CCR7: variants seen among roughly 807,000 people sequenced by gnomAD.
CCR7 encodes C-C chemokine receptor type 7.
Under a neutral mutation model 26.0 loss-of-function variants are expected in CCR7, and 11 were observed. That is an observed-to-expected ratio of 0.42 (90% CI 0.27 to 0.70). CCR7 has a LOEUF of 0.70. Ranked by LOEUF, CCR7 falls within the 30% of genes least tolerant of loss-of-function variation. CCR7 has a pLI of 0.23. For missense variants in CCR7, 360 were observed against 504.0 expected (o/e 0.71, Z 2.74); for synonymous variants, 189 against 202.1 (o/e 0.94, Z 0.55).
chr17:40,560,410 AG>A (rs1378405224), intron 1 of CCR7, among the ~76,000 whole-genome samples: 3 of 152,182 alleles, frequency 2.0e-5, no homozygotes, highest in Non-Finnish European at 4.4e-5. Context: ...CTGGGGAAGC[AG>A]TGAGAGCCCA....
chr17:40,554,964 G>C lies in CCR7; in HGVS notation c.915C>G (p.Asn305Lys). Residue 305 changes from asparagine (N) to lysine (K), a missense_variant, in exon 3 of 3, where the codon AAC becomes AAG. Coordinates refer to ENST00000246657, the MANE Select transcript of CCR7 (RefSeq NM_001838.4). ...GGCTGTAGGTGACGTCGTAGGCGATGTTGAGTTGCTTACTGAGCTCACAGG... is the reference window on the plus strand; with the variant it reads ...GGCTGTAGGTGACGTCGTAGGCGATCTTGAGTTGCTTACTGAGCTCACAGG... ...SSTCELSKQL[N>K]IAYDVTYSLA... The C allele has an allele frequency of 6.2e-7, 1 of 1,614,238 alleles. No individual in the cohort carries two copies. Among genetic ancestry groups the C allele is most frequent in the Non-Finnish European group, 8.5e-7 (1 of 1,180,042 alleles).
At chr17:40,559,036 T>C in intron 1 of CCR7, 94 bp from the exon 2 acceptor site, 1 of 1,023,868 alleles carries the variant, frequency 9.8e-7, no homozygotes, top group Non-Finnish European at 1.5e-6. Flanking sequence ...TTGGGAACTT[T>C]CCTCCCAAGC....
At chr17:40,559,749 T>C (rs1184437790) in intron 1 of CCR7, among the ~76,000 whole-genome samples, 1 of 152,152 alleles carries the variant, frequency 6.6e-6, no homozygotes, top group African/African-American at 2.4e-5. Context: ...AATATATGAA[T>C]GATAAATACA....
chr17:40,557,597 G>A (rs1033682159), intron 2 of CCR7, among the ~76,000 whole-genome samples: 1 of 152,202 alleles, frequency 6.6e-6, no homozygotes, highest in Non-Finnish European at 1.5e-5. Context: ...GGAGGCTGCT[G>A]CCTTTGGCCC....
At chr17:40,560,942 A>C (rs1232508554) in intron 1 of CCR7, 1 of 152,288 alleles carries the variant, frequency 6.6e-6, no homozygotes, top group Admixed American at 6.5e-5. Context: ...CCTGAGTTTA[A>C]GTCCACGTTT....
chr17:40,563,869 C>T lies in CCR7; in HGVS notation c.10+1531G>A, dbSNP rs560001388. On this transcript the variant is annotated intron_variant, in intron 1 of 2. Coordinates refer to ENST00000246657, the MANE Select transcript of CCR7 (RefSeq NM_001838.4). ...TTCAGTCATGTAGATGGCTTGAAAT[C>T]AATCAGCCAGGGTGGGAGAATTTAC... Among the ~76,000 whole-genome samples, 56 of 152,278 alleles carry T rather than the reference C, an allele frequency of 3.7e-4. No individual in the cohort carries two copies. The South Asian group carries it at 0.012, about 32-fold the overall frequency.
rs999175075 is a variant in CCR7, at chr17:40,553,870, C to T, written c.*872G>A. ...TGTGGGTAAAATGTTGCTCTCTTAA[C>T]GAATCGAAAGCAGAACATGAGGAGA... is the stretch of plus-strand genomic sequence containing the variant. On this transcript the variant is annotated 3_prime_UTR_variant, in exon 3 of 3. Coordinates refer to ENST00000246657, the MANE Select transcript of CCR7 (RefSeq NM_001838.4). 5 of 152,060 alleles carry T rather than the reference C, an allele frequency of 3.3e-5. No individual in the cohort carries two copies. The highest frequency in any genetic ancestry group is 7.2e-5 in the African/African-American group (3 of 41,388). The allele number at this position is 152,060 out of a possible 1,614,324, so 9.4% of individuals were successfully genotyped here.
rs1359248331 is a variant in CCR7 at position 40,554,499 on chromosome 17, C to G, written c.*243G>C. ...AGTTTTTGGTTTAGGGGACAATAGCCTCTGTTTCCCAGTGTTGTCTGTCTG... is the reference window on the plus strand; with the variant it reads ...AGTTTTTGGTTTAGGGGACAATAGCGTCTGTTTCCCAGTGTTGTCTGTCTG... On this transcript the variant is annotated 3_prime_UTR_variant, in exon 3 of 3. Transcript: ENST00000246657. 5.7e-5 allele frequency: 30 copies of G among 530,408 alleles called. No individual in the cohort carries two copies. In the East Asian group the frequency reaches 9.1e-4, roughly 16 times the overall value. 32.9% of individuals were successfully genotyped at this position (530,408 alleles called of 1,614,324 possible). A position where few individuals can be genotyped will look rare whatever the true frequency, so the allele number is the denominator to read the frequency against.
At chr17:40,563,818 A>G (rs2036678359) in intron 1 of CCR7, among the ~76,000 whole-genome samples, 1 of 152,016 alleles carries the variant, frequency 6.6e-6, no homozygotes, top group East Asian at 1.9e-4. Flanking sequence ...GGGGTAAGAC[A>G]CTCTGCACAT....
intron 1 of CCR7, among the ~76,000 whole-genome samples, chr17:40,561,987 T>C (rs2036660641): frequency 6.6e-6 from 1 of 152,202 alleles, no homozygotes; most frequent in Non-Finnish European, 1.5e-5. Context: ...CGTGCCACAC[T>C]GTCTGCATGT....
At chr17:40,560,415 G>A (rs1166229022) in intron 1 of CCR7, among the ~76,000 whole-genome samples, 3 of 152,190 alleles carry the variant, frequency 2.0e-5, no homozygotes, top group Non-Finnish European at 4.4e-5. Flanking sequence ...GAAGCAGTGA[G>A]AGCCCAGCGC....
At chr17:40,565,349 GGT>G in intron 1 of CCR7, 49 bp downstream of exon 1, 1 of 1,526,012 alleles carries the variant, frequency 6.6e-7, no homozygotes, top group East Asian at 2.2e-5. Context: ...GGTCAGTCTG[GGT>G]GTCCAAGACC....
At position 40,555,296 on chromosome 17, in the gene CCR7, G is replaced by A; in HGVS notation, c.583C>T (p.Leu195=). The A allele has an allele frequency of 6.2e-7, 1 of 1,614,202 alleles. No homozygotes were observed. Among genetic ancestry groups the A allele is most frequent in the Non-Finnish European group, 8.5e-7 (1 of 1,180,044 alleles). The stretch of plus-strand genomic sequence containing the variant: ...CTGCTCCTCTGGAGGTCACTGTACA[G>A]GAGCTCTGGGATGGAGAGCACTGTG... The part of the protein sequence containing the change: ...LATVLSIPEL[L]YSDLQRSSSE... The change falls in exon 3 of 3, where the codon CTG becomes TTG. Residue 195 remains leucine, a synonymous_variant. Coordinates refer to ENST00000246657, the MANE Select transcript of CCR7 (RefSeq NM_001838.4). The surrounding 1 kb of genome is among the most constrained non-coding windows in gnomAD (Gnocchi z 5.6).
chr17:40,564,898 G>GTTTCAT, intron 1 of CCR7, among the ~76,000 whole-genome samples: 1 of 152,184 alleles, frequency 6.6e-6, no homozygotes, highest in East Asian at 1.9e-4. Flanking sequence ...ACCCAGTCAC[G>GTTTCAT]TTTCATTTGC....
chr17:40,563,708 A>G (rs149871965), intron 1 of CCR7, among the ~76,000 whole-genome samples: 104 of 152,178 alleles, frequency 6.8e-4, no homozygotes, highest in African/African-American at 1.9e-3. Flanking sequence ...GGCTCTCTCA[A>G]GTTGAGTGAA....
At chr17:40,556,664 C>A (rs1178308395) in intron 2 of CCR7, among the ~76,000 whole-genome samples, 1 of 152,154 alleles carries the variant, frequency 6.6e-6, no homozygotes, top group Non-Finnish European at 1.5e-5. Flanking sequence ...TAATTTTGCC[C>A]CCTGGAAGCT....
Position 40,554,955 on chromosome 17 carries a change from G to C in CCR7, c.924C>G (p.Tyr308Ter), listed in dbSNP as rs116263918. The change falls in exon 3 of 3, where the codon TAC becomes TAG. Residue 308 changes from tyrosine (Y) to a stop codon, truncating the protein, a stop_gained. Coordinates refer to ENST00000246657, the MANE Select transcript of CCR7 (RefSeq NM_001838.4). LOFTEE classifies it high-confidence loss of function. ...CELSKQLNIA[Y>*]DVTYSLACVR... ...CGCAGGCCAGGCTGTAGGTGACGTC[G>C]TAGGCGATGTTGAGTTGCTTACTGA... 6.2e-7 allele frequency: 1 copy of C among 1,614,208 alleles called. No individual in the cohort carries two copies. The highest frequency in any genetic ancestry group is 1.1e-5 in the South Asian group (1 of 91,090).
rs140311942 is a variant in CCR7, at chr17:40,554,916, G to A, written c.963C>T (p.Val321=). ...CGATGAAGGCGTACAAGAAAGGGTT[G>A]ACGCAGCAGCGGACGCAGGCCAGGC... The part of the protein sequence containing the change: ...TYSLACVRCC[V]NPFLYAFIGV... Residue 321 remains valine (V), a synonymous_variant, in exon 3 of 3, where the codon GTC becomes GTT. Transcript: ENST00000246657. 43 of 1,614,116 alleles carry A rather than the reference G, an allele frequency of 2.7e-5. No individual in the cohort carries two copies. Among genetic ancestry groups the A allele is most frequent in the Non-Finnish European group, 3.6e-5 (42 of 1,180,058 alleles).
In CCR7 at chr17:40,554,546, C is replaced by CT. The variant is rs1050091879; in HGVS notation, c.*195dup. The stretch of plus-strand genomic sequence containing the variant: ...TCTGGTGTTAGCTTATCAGCCCTGT[C>CT]TTTTTTTGGCATTGGTTGAGGTAGC... On this transcript the variant is annotated 3_prime_UTR_variant, in exon 3 of 3. Transcript: ENST00000246657. 3.8e-5 allele frequency: 24 copies of CT among 624,078 alleles called. No homozygotes were observed. The highest frequency in any genetic ancestry group is 7.3e-5 in the African/African-American group (4 of 54,868). The allele number at this position is 624,078 out of a possible 1,614,324, so 38.7% of individuals were successfully genotyped here.
Sources: allele counts gnomAD v4.1 joint callset (sites outside exome capture counted in the v4.1 genomes callset), GRCh38; gene constraint gnomAD v4.1.1; non-coding constraint Gnocchi (gnomAD v3.1); transcripts MANE v1.5; gene names NCBI Gene and HGNC (gene_info 2026-07-23, HGNC 2026-07-21).